Variants in LRRTM4 observed in about 807,000 individuals in gnomAD.
The protein encoded by LRRTM4 is leucine-rich repeat transmembrane neuronal protein 4.
Under a neutral mutation model 47.6 loss-of-function variants are expected in LRRTM4, and 25 were observed. The ratio of observed to expected loss-of-function variants is 0.53; its 90% CI spans 0.38 to 0.73. The LOEUF (loss-of-function observed/expected upper bound fraction) is 0.73. LRRTM4 is among the 30% of genes least tolerant of loss of function. The pLI is 0.00. For synonymous variants in LRRTM4, 311 were observed against 269.5 expected, an observed-to-expected ratio of 1.15 and a Z score of -1.51; for missense variants, 638 against 713.4, an observed-to-expected ratio of 0.89 and a Z score of 1.20.
chr2:77,131,034 C>T (rs1671788790), intron 3 of LRRTM4, among the ~76,000 whole-genome samples: 1 of 148,550 alleles, frequency 6.7e-6, no homozygotes, highest in African/African-American at 2.5e-5. Context: ...CGGGGTTTCA[C>T]CGTTTTAGCC....
rs745419725 is a variant in LRRTM4, at chr2:77,050,128, C to CTTTT, written c.1552-301216_1552-301213dup. Among the ~76,000 whole-genome samples the CTTTT allele has an allele frequency of 3.9e-3, 438 of 112,630 alleles. 8 individuals are homozygous for CTTTT. The highest frequency in any genetic ancestry group is 0.015 in the African/African-American group (418 of 28,546). 73.9% of individuals were successfully genotyped at this position (112,630 alleles called of 152,430 possible). Reference sequence around the variant, plus strand: ...CAGATGTGTTTTGTTAGAACCAAGTCTTTTTTTTTTTTTTTTTTGCTTTGA... The same window carrying CTTTT: ...CAGATGTGTTTTGTTAGAACCAAGTCTTTTTTTTTTTTTTTTTTTTTTGCTTTGA... On this transcript the variant is annotated intron_variant, in intron 3 of 3. Transcript: ENST00000409884.
intron 3 of LRRTM4, among the ~76,000 whole-genome samples, chr2:77,384,539 T>A (rs551310245): frequency 6.6e-6 from 1 of 151,962 alleles, no homozygotes; most frequent in African/African-American, 2.4e-5. Flanking sequence ...GTATTACTAA[T>A]AGCAATAGAC....
intron 3 of LRRTM4, among the ~76,000 whole-genome samples, chr2:76,953,292 A>C (rs1484877293): frequency 6.6e-6 from 1 of 151,924 alleles, no homozygotes; most frequent in Non-Finnish European, 1.5e-5. Context: ...CTGATCTAAC[A>C]ACAGTATATG....
chr2:77,146,139 A>G (rs541148930), intron 3 of LRRTM4, among the ~76,000 whole-genome samples: 1 of 152,170 alleles, frequency 6.6e-6, no homozygotes, highest in Non-Finnish European at 1.5e-5. Context: ...CCCAACTTTT[A>G]GAATTAATGT....
At chr2:76,995,899 C>T (rs1450334554) in intron 3 of LRRTM4, among the ~76,000 whole-genome samples, 1 of 151,908 alleles carries the variant, frequency 6.6e-6, no homozygotes, top group Non-Finnish European at 1.5e-5. Flanking sequence ...AGGTCTAAAG[C>T]ACAGAGAAAA....
intron 3 of LRRTM4, among the ~76,000 whole-genome samples, chr2:77,125,373 A>C (rs1228298996): frequency 1.3e-5 from 2 of 152,214 alleles, no homozygotes; most frequent in African/African-American, 4.8e-5. Context: ...GGTGCACATG[A>C]GTACAGTCCT....
intron 3 of LRRTM4, among the ~76,000 whole-genome samples, chr2:76,822,692 GC>G (rs1358772413): frequency 2.0e-5 from 3 of 151,450 alleles, no homozygotes; most frequent in Non-Finnish European, 3.0e-5. Context: ...TTAATACTTT[GC>G]AGAAAATATA....
chr2:77,177,465 C>T lies in LRRTM4; in HGVS notation c.1551+340853G>A, dbSNP rs1274264242. Among the ~76,000 whole-genome samples the T allele has an allele frequency of 5.3e-5, 8 of 152,304 alleles. No individual in the cohort carries two copies. In the South Asian group the frequency reaches 1.2e-3, roughly 24 times the overall value. On this transcript the variant is annotated intron_variant, in intron 3 of 3. Transcript: ENST00000409884. Reference sequence around the variant, plus strand: ...TTTCACAAACTGCCTCATCTTCCCACCATGCTCCATCCTGAGGTGTCTTCT... The same window carrying T: ...TTTCACAAACTGCCTCATCTTCCCATCATGCTCCATCCTGAGGTGTCTTCT...
At position 77,173,680 on chromosome 2, in the gene LRRTM4, C is replaced by G. The variant is rs867779855; in HGVS notation, c.1551+344638G>C. ...TAAAGTCAGCAGTAATAGCTCACTG[C>G]AGCCTAAAACTCCTGGGCTTCAAAA... is the stretch of plus-strand genomic sequence containing the variant. On this transcript the variant is annotated intron_variant, in intron 3 of 3. Coordinates refer to ENST00000409884, the MANE Select transcript of LRRTM4 (RefSeq NM_001134745.3). Among the ~76,000 whole-genome samples the G allele has an allele frequency of 7.9e-5, 12 of 152,146 alleles. No homozygotes were observed. In the South Asian group the frequency reaches 8.3e-4, roughly 11 times the overall value.
chr2:76,894,524 A>G (rs1673349955), intron 3 of LRRTM4, among the ~76,000 whole-genome samples: 2 of 152,070 alleles, frequency 1.3e-5, no homozygotes, highest in African/African-American at 4.8e-5. Context: ...AGCCAAAAAC[A>G]ACAGGTCAGT....
intron 3 of LRRTM4, among the ~76,000 whole-genome samples, chr2:76,952,358 A>T (rs903027595): frequency 3.3e-5 from 5 of 152,030 alleles, no homozygotes; most frequent in Non-Finnish European, 7.4e-5. Context: ...CAAGAAAACA[A>T]CAAATAACCT....
At chr2:77,087,729 G>T (rs946901776) in intron 3 of LRRTM4, among the ~76,000 whole-genome samples, 5 of 152,114 alleles carry the variant, frequency 3.3e-5, no homozygotes, top group African/African-American at 1.2e-4. Context: ...AGATATAATT[G>T]AAAATGATAC....
At chr2:77,287,408 A>C (rs572559760) in intron 3 of LRRTM4, among the ~76,000 whole-genome samples, 3 of 151,746 alleles carry the variant, frequency 2.0e-5, no homozygotes, top group African/African-American at 7.3e-5. Context: ...TATATTATAT[A>C]TCTATCATAT....
chr2:77,463,660 TC>T (rs1487421716), intron 3 of LRRTM4, among the ~76,000 whole-genome samples: 3 of 152,110 alleles, frequency 2.0e-5, no homozygotes, highest in Non-Finnish European at 4.4e-5. Flanking sequence ...ATTGTGTTTT[TC>T]TCATTCACAG....
intron 3 of LRRTM4, among the ~76,000 whole-genome samples, chr2:77,393,179 T>C (rs1207326774): frequency 6.6e-6 from 1 of 151,900 alleles, no homozygotes; most frequent in East Asian, 1.9e-4. Context: ...TTCAACACAC[T>C]TAAAAGAACT....
chr2:76,767,401 T>TGTGGTG (rs1673499034), intron 3 of LRRTM4, among the ~76,000 whole-genome samples: 2 of 152,338 alleles, frequency 1.3e-5, no homozygotes, highest in South Asian at 4.1e-4. Context: ...ACAGCAATGC[T>TGTGGTG]ATAATTCGGG....
At chr2:77,285,388 T>C (rs1012624911) in intron 3 of LRRTM4, among the ~76,000 whole-genome samples, 4 of 110,690 alleles carry the variant, frequency 3.6e-5, no homozygotes, top group African/African-American at 1.3e-4. Flanking sequence ...CTAAAAATTA[T>C]AGTCACATGA....
At chr2:77,332,435 T>A (rs1378943161) in intron 3 of LRRTM4, among the ~76,000 whole-genome samples, 3 of 152,178 alleles carry the variant, frequency 2.0e-5, no homozygotes, top group Non-Finnish European at 4.4e-5. Flanking sequence ...ACTTGATTTA[T>A]CCTGCTTGAA....
At chr2:77,382,009 G>T (rs530711335) in intron 3 of LRRTM4, among the ~76,000 whole-genome samples, 1 of 151,830 alleles carries the variant, frequency 6.6e-6, no homozygotes, top group Admixed American at 6.6e-5. Context: ...CATCTACATC[G>T]TTTCCATGTG....
Sources: gnomAD v4.1 joint callset for allele counts (sites outside exome capture counted in the v4.1 genomes callset) on GRCh38, gnomAD v4.1.1 for gene constraint, MANE v1.5 for transcripts, NCBI Gene and HGNC (gene_info 2026-07-23, HGNC 2026-07-21) for gene names.